Variants in POU6F2 observed in about 807,000 individuals in gnomAD.
POU6F2 encodes POU class 6 homeobox 2.
POU6F2 carries 31 observed loss-of-function variants against 71.3 expected under a neutral mutation model. The observed-to-expected ratio is 0.43, with a 90% CI of 0.33 to 0.59. The LOEUF is 0.59. Among genes scored for constraint, POU6F2 ranks in the 20% least tolerant of loss-of-function variants. POU6F2 has a pLI of 0.04. For missense variants in POU6F2, 783 were observed against 856.8 expected (o/e 0.91, Z 1.07); for synonymous variants, 347 against 355.7 (o/e 0.98, Z 0.27).
At chr7:39,265,118 T>C (rs1285363869) in intron 4 of POU6F2, among the ~76,000 whole-genome samples, 2 of 152,122 alleles carry the variant, frequency 1.3e-5, no homozygotes, top group African/African-American at 4.8e-5. Context: ...TTTGCTGTTT[T>C]ATAGAAAATA....
intron 8 of POU6F2, among the ~76,000 whole-genome samples, chr7:39,458,856 G>T (rs1788873870): frequency 6.6e-6 from 1 of 152,056 alleles, no homozygotes; most frequent in African/African-American, 2.4e-5. Flanking sequence ...TTCTGCCTGT[G>T]TGCACGCTGT....
intron 8 of POU6F2, among the ~76,000 whole-genome samples, chr7:39,454,727 T>TAA (rs1562559154): frequency 2.1e-5 from 2 of 94,186 alleles, no homozygotes; most frequent in Non-Finnish European, 4.3e-5. Context: ...TATATATATA[T>TAA]AAAATAAGAT....
chr7:39,220,638 G>A (rs959151898), intron 4 of POU6F2, among the ~76,000 whole-genome samples: 3 of 152,092 alleles, frequency 2.0e-5, no homozygotes, highest in African/African-American at 4.8e-5. Context: ...AGAGTGGCCT[G>A]TGAATCACAC....
Position 39,395,529 on chromosome 7 carries a change from G to A in POU6F2, c.973-11071G>A, listed in dbSNP as rs139313632. Among the ~76,000 whole-genome samples the A allele has an allele frequency of 9.1e-4, 138 of 152,292 alleles. 1 individual carries two copies. The highest frequency in any genetic ancestry group is 1.6e-3 in the Non-Finnish European group (106 of 68,014). ...GCCCTTCTCTTAAAGCATTGGCTAC[G>A]TAGGGTAGACTATATGGGCAGTGCC... is the stretch of plus-strand genomic sequence containing the variant. On this transcript the variant is annotated intron_variant, in intron 5 of 9. Transcript: ENST00000518318.
chr7:39,264,736 T>G (rs1784207498), intron 4 of POU6F2, among the ~76,000 whole-genome samples: 1 of 152,148 alleles, frequency 6.6e-6, no homozygotes, highest in Non-Finnish European at 1.5e-5. Context: ...ATTTAGGTGT[T>G]CAGAGGATAT....
At chr7:39,093,068 C>T (rs1284935691) in intron 2 of POU6F2, among the ~76,000 whole-genome samples, 1 of 152,058 alleles carries the variant, frequency 6.6e-6, no homozygotes, top group African/African-American at 2.4e-5. Flanking sequence ...CATGCCCAAA[C>T]TTCTCTTATA....
chr7:39,171,016 C>CTTTTTTTTTTTTTTT (rs760022218), intron 2 of POU6F2, among the ~76,000 whole-genome samples: 2 of 94,556 alleles, frequency 2.1e-5, no homozygotes, highest in Non-Finnish European at 4.0e-5. Context: ...TCACATATAT[C>CTTTTTTTTTTTTTTT]TTTTTTTTTT....
At chr7:39,080,587 ATTG>A (rs1335976532) in intron 1 of POU6F2, among the ~76,000 whole-genome samples, 4 of 152,190 alleles carry the variant, frequency 2.6e-5, no homozygotes, top group African/African-American at 9.6e-5. Flanking sequence ...TCTGTTGTGT[ATTG>A]TATAACTTTA....
chr7:39,171,669 C>T (rs757121021), intron 2 of POU6F2, among the ~76,000 whole-genome samples: 6 of 152,168 alleles, frequency 3.9e-5, no homozygotes, highest in South Asian at 2.1e-4. Context: ...ATCCAAATTT[C>T]GGAGCATTTA....
intron 4 of POU6F2, among the ~76,000 whole-genome samples, chr7:39,247,111 C>T (rs1783835089): frequency 6.6e-6 from 1 of 151,888 alleles, no homozygotes; most frequent in Non-Finnish European, 1.5e-5. Context: ...GTGCTTCCTC[C>T]TTGAATATTA....
At chr7:39,058,867 A>G (rs909636292) in intron 1 of POU6F2, among the ~76,000 whole-genome samples, 3 of 152,198 alleles carry the variant, frequency 2.0e-5, no homozygotes, top group African/African-American at 7.2e-5. Context: ...ATTAATTTGC[A>G]TACTCACAGC....
rs142558309 is a variant in POU6F2 at position 39,160,953 on chromosome 7, T to C, written c.278-43282T>C. On this transcript the variant is annotated intron_variant, in intron 2 of 9. Transcript: ENST00000518318. ...AGTTACCTGTTAAATAGATGTTGAA[T>C]TGAGTTCATGGCAGCCGTTGATATC... 5.4e-4 allele frequency among the ~76,000 whole-genome samples: 82 copies of C among 152,322 alleles called. 1 individual carries two copies. The highest frequency in any genetic ancestry group is 1.0e-3 in the South Asian group (5 of 4,822).
intron 1 of POU6F2, chr7:39,013,023 A>C (rs1789350061): frequency 1.3e-5 from 2 of 152,370 alleles, no homozygotes; most frequent in Admixed American, 1.3e-4. Flanking sequence ...CTACAGAGGC[A>C]GGCAGGCCTC....
At chr7:39,105,687 C>T (rs755061000) in intron 2 of POU6F2, among the ~76,000 whole-genome samples, 6 of 152,178 alleles carry the variant, frequency 3.9e-5, no homozygotes, top group East Asian at 1.9e-4. Context: ...TAAGTATGGA[C>T]GTGGTAAACT....
chr7:39,276,641 T>C (rs1236869177), intron 4 of POU6F2, among the ~76,000 whole-genome samples: 5 of 151,776 alleles, frequency 3.3e-5, no homozygotes, highest in Non-Finnish European at 7.4e-5. Flanking sequence ...AGCAAAGACT[T>C]GGACCCAACC....
At chr7:39,038,628 C>T (rs1055825158) in intron 1 of POU6F2, among the ~76,000 whole-genome samples, 6 of 151,996 alleles carry the variant, frequency 3.9e-5, no homozygotes, top group African/African-American at 1.2e-4. Flanking sequence ...GAATTAAGTG[C>T]GGTGTTTATT....
intron 1 of POU6F2, among the ~76,000 whole-genome samples, chr7:39,002,739 G>C (rs956722413): frequency 6.6e-6 from 1 of 152,248 alleles, no homozygotes; most frequent in African/African-American, 2.4e-5. Flanking sequence ...GATTTGATCA[G>C]TTTCTTCAAG....
chr7:39,352,545 G>A (rs1487426353), intron 5 of POU6F2, among the ~76,000 whole-genome samples: 2 of 152,202 alleles, frequency 1.3e-5, no homozygotes, highest in Non-Finnish European at 2.9e-5. Context: ...TTCAGATCCT[G>A]TAGTGGTGGT....
rs914655787 is a variant in POU6F2, at chr7:39,122,740, C to T, written c.277+36709C>T. On this transcript the variant is annotated intron_variant, in intron 2 of 9. Coordinates refer to ENST00000518318, the MANE Select transcript of POU6F2 (RefSeq NM_001370959.1). Reference sequence around the variant, plus strand: ...TTTTTTTTTTGGAGATGGAATCTTACTCTGTGGTCCAGGCTGGAGTACAGT... The same window carrying T: ...TTTTTTTTTTGGAGATGGAATCTTATTCTGTGGTCCAGGCTGGAGTACAGT... Among the ~76,000 whole-genome samples, 7 of 136,840 alleles carry T rather than the reference C, an allele frequency of 5.1e-5. No individual in the cohort carries two copies. The South Asian group carries it at 1.2e-3, about 23-fold the overall frequency. 89.8% of individuals were successfully genotyped at this position (136,840 alleles called of 152,430 possible). A position where few individuals can be genotyped will look rare whatever the true frequency, so the allele number is the denominator to read the frequency against.
Sources: gnomAD v4.1 joint callset for allele counts (sites outside exome capture counted in the v4.1 genomes callset) on GRCh38, gnomAD v4.1.1 for gene constraint, MANE v1.5 for transcripts, NCBI Gene and HGNC (gene_info 2026-07-23, HGNC 2026-07-21) for gene names.